The following MYEF2 variants were observed in gnomAD, a reference collection of about 807,000 sequenced individuals.
MYEF2 encodes the protein myelin expression factor 2.
A neutral mutation model predicts 75.2 loss-of-function variants in MYEF2; 37 were observed. That is an observed-to-expected ratio of 0.49 (90% CI 0.38 to 0.65). The LOEUF is 0.65. MYEF2 is among the 30% of genes least tolerant of loss of function. The probability of loss-of-function intolerance (pLI) is 0.00; values close to 1 mark genes in which losing one functional copy is unlikely to be tolerated. For synonymous variants in MYEF2, 195 were observed against 241.6 expected, an observed-to-expected ratio of 0.81 and a Z score of 1.79; for missense variants, 634 against 771.4, an observed-to-expected ratio of 0.82 and a Z score of 2.11.
At chr15:48,160,486 T>TACATACATAC (rs200591805) in intron 5 of MYEF2, among the ~76,000 whole-genome samples, 12 of 139,312 alleles carry the variant, frequency 8.6e-5, no homozygotes, top group Middle Eastern at 7.0e-3. Flanking sequence ...AAACCAAACA[T>TACATACATAC]ACACACACAC....
intron 2 of MYEF2, among the ~76,000 whole-genome samples, chr15:48,167,943 A>T (rs995509373): frequency 1.3e-5 from 2 of 149,728 alleles, no homozygotes; most frequent in Admixed American, 6.7e-5. Context: ...AATGCAATTT[A>T]AAAAAAAAAA....
chr15:48,166,675 TA>T (rs1458951226), intron 3 of MYEF2, among the ~76,000 whole-genome samples: 6 of 151,984 alleles, frequency 3.9e-5, no homozygotes, highest in African/African-American at 1.2e-4. Context: ...GAGAGTTATT[TA>T]AAAAATAATT....
chr15:48,153,200 A>G (rs1015115911), intron 10 of MYEF2: 5 of 152,116 alleles, frequency 3.3e-5, no homozygotes, highest in African/African-American at 1.2e-4. Context: ...ACTTTTATGT[A>G]TGTTAACATG....
chr15:48,167,314 T>G, intron 3 of MYEF2, 35 bp downstream of exon 3: 1 of 1,606,570 alleles, frequency 6.2e-7, no homozygotes, highest in Non-Finnish European at 8.5e-7. Flanking sequence ...GAGGAACTTT[T>G]AAACCTCAAG....
At chr15:48,170,643 G>A (rs2040297523) in intron 1 of MYEF2, among the ~76,000 whole-genome samples, 1 of 151,892 alleles carries the variant, frequency 6.6e-6, no homozygotes, top group South Asian at 2.1e-4. Context: ...CAGCAATTCT[G>A]GTGATCCACA....
At chr15:48,151,726 C>T (rs943461282) in intron 12 of MYEF2, 148 bp downstream of exon 12, 9 of 1,134,458 alleles carry the variant, frequency 7.9e-6, no homozygotes, top group Non-Finnish European at 1.2e-5. Flanking sequence ...CACATATCAT[C>T]CCCATTCCCC....
intron 5 of MYEF2, among the ~76,000 whole-genome samples, chr15:48,160,518 C>CACAA: frequency 6.6e-6 from 1 of 151,654 alleles, no homozygotes; most frequent in African/African-American, 2.4e-5. Flanking sequence ...CACACACACA[C>CACAA]AAACATAAAT....
intron 9 of MYEF2, chr15:48,157,684 A>T: frequency 1.1e-6 from 1 of 921,466 alleles, no homozygotes; most frequent in Non-Finnish European, 1.3e-6. Context: ...CAAAAATGTT[A>T]TAATGAGGTT....
rs2039516988 is a variant in MYEF2 at position 48,152,216 on chromosome 15, A to C, written c.1138+18T>G. 1 of 1,603,078 alleles carries C rather than the reference A, an allele frequency of 6.2e-7. No homozygotes were observed. Among genetic ancestry groups the C allele is most frequent in the Non-Finnish European group, 8.5e-7 (1 of 1,172,748 alleles). On this transcript the variant is annotated intron_variant, in intron 11 of 16. Transcript: ENST00000324324. ...AATGGTGATGGGTACATACAAAAAA[A>C]CAAATCTTTATACATACCTCCTCCA...
Position 48,136,479 on chromosome 15 carries a change from ACAG to A in MYEF2, c.*6426_*6428del, listed in dbSNP as rs1409724221. On this transcript the variant is annotated 3_prime_UTR_variant, in exon 17 of 17. Coordinates refer to ENST00000324324, the MANE Select transcript of MYEF2 (RefSeq NM_016132.5). Reference sequence around the variant, plus strand: ...TTGTTTTTAAAAAAAAAAAAACAACACAGAAGTGTCCAGCTTTTATCAATAAAC... The same window carrying A: ...TTGTTTTTAAAAAAAAAAAAACAACAAAGTGTCCAGCTTTTATCAATAAAC... 4.8e-6 allele frequency: 2 copies of A among 420,828 alleles called. No homozygotes were observed. Among genetic ancestry groups the A allele is most frequent in the Non-Finnish European group, 8.1e-6 (2 of 245,540 alleles). The allele number at this position is 420,828 out of a possible 1,614,324, so 26.1% of individuals were successfully genotyped here.
rs1445745901 is a variant in MYEF2, at chr15:48,140,606, G to GT, written c.*2301dup. ...TTGTTTTCCTCAGAGATTAATGAAC[G>GT]TTCCCCCTCCCCCGCCCTGCCAAAG... is the stretch of plus-strand genomic sequence containing the variant. On this transcript the variant is annotated 3_prime_UTR_variant, in exon 17 of 17. Coordinates refer to ENST00000324324, the MANE Select transcript of MYEF2 (RefSeq NM_016132.5). 1 of 152,092 alleles carries GT rather than the reference G, an allele frequency of 6.6e-6. No individual in the cohort carries two copies. Among genetic ancestry groups the GT allele is most frequent in the Non-Finnish European group, 1.5e-5 (1 of 68,094 alleles). 9.4% of individuals were successfully genotyped at this position (152,092 alleles called of 1,614,324 possible).
intron 1 of MYEF2, among the ~76,000 whole-genome samples, 160 bp from the exon 2 acceptor site, chr15:48,168,999 A>G (rs903930055): frequency 6.6e-6 from 1 of 152,214 alleles, no homozygotes; most frequent in African/African-American, 2.4e-5. Context: ...GAGCTTTGAA[A>G]TTACCCAATG....
intron 2 of MYEF2, among the ~76,000 whole-genome samples, chr15:48,167,714 T>C (rs924702228): frequency 8.5e-5 from 13 of 152,110 alleles, no homozygotes; most frequent in African/African-American, 2.7e-4. Flanking sequence ...CCTTAACCTA[T>C]CATATTAAAA....
chr15:48,170,713 T>C (rs752509479), intron 1 of MYEF2, among the ~76,000 whole-genome samples: 1 of 152,202 alleles, frequency 6.6e-6, no homozygotes, highest in Non-Finnish European at 1.5e-5. Context: ...TATACAGAGC[T>C]TCTTGAACAC....
At position 48,151,141 on chromosome 15, in the gene MYEF2, C is replaced by G. The variant is rs745320363; in HGVS notation, c.1337G>C (p.Arg446Thr). The G allele has an allele frequency of 1.9e-6, 3 of 1,610,960 alleles. No homozygotes were observed. The highest frequency in any genetic ancestry group is 2.7e-5 in the African/African-American group (2 of 74,754). Residue 446 changes from arginine to threonine, a missense_variant, in exon 14 of 17, where the codon AGA (arginine) becomes ACA (threonine). Physicochemically the swap from Arg to Thr is moderately conservative, Grantham distance 71. Transcript: ENST00000324324. ...TGGACCCATGTTAGAAGATCCTATT[C>G]TTCCTGCAAACCCTCCAATCATTGC... Reference protein sequence around the residue: ...GSAMIGGFAGRIGSSNMGPVG... With the variant: ...GSAMIGGFAGTIGSSNMGPVG...
chr15:48,143,144 C>A, intron 16 of MYEF2, 73 bp from the exon 17 acceptor site: 5 of 952,672 alleles, frequency 5.2e-6, no homozygotes, highest in Non-Finnish European at 7.2e-6. Flanking sequence ...TTTGAAATTC[C>A]TCATAGCCAA....
At position 48,151,550 on chromosome 15, in the gene MYEF2, G is replaced by A; in HGVS notation, c.1229C>T (p.Thr410Ile). Reference protein sequence around the residue: ...RMGELYRGAMTSSMERDFGRG... With the variant: ...RMGELYRGAMISSMERDFGRG... ...TCCAAAATCTCGCTCCATGCTACTAGTCATCGCACCACGGTACAGCTCTGA... is the reference window on the plus strand; with the variant it reads ...TCCAAAATCTCGCTCCATGCTACTAATCATCGCACCACGGTACAGCTCTGA... Residue 410 changes from threonine (T) to isoleucine (I), a missense_variant, in exon 13 of 17, where the codon ACT (threonine) becomes ATT (isoleucine). Transcript: ENST00000324324. 6.2e-7 allele frequency: 1 copy of A among 1,612,534 alleles called. No individual in the cohort carries two copies. Among genetic ancestry groups the A allele is most frequent in the Non-Finnish European group, 8.5e-7 (1 of 1,179,156 alleles).
In MYEF2 at chr15:48,138,105, G is replaced by A. The variant is rs1015175110; in HGVS notation, c.*4803C>T. 6.6e-6 allele frequency: 1 copy of A among 151,966 alleles called. No individual in the cohort carries two copies. Among genetic ancestry groups the A allele is most frequent in the African/African-American group, 2.4e-5 (1 of 41,410 alleles). 9.4% of individuals were successfully genotyped at this position (151,966 alleles called of 1,614,324 possible). A position where few individuals can be genotyped will look rare whatever the true frequency, so the allele number is the denominator to read the frequency against. Reference sequence around the variant, plus strand: ...TAAGTTTATAATAAGAAACGCAAAAGAACCAATCCAAATTCTTTGATTATG... The same window carrying A: ...TAAGTTTATAATAAGAAACGCAAAAAAACCAATCCAAATTCTTTGATTATG... On this transcript the variant is annotated 3_prime_UTR_variant, in exon 17 of 17. Coordinates refer to ENST00000324324, the MANE Select transcript of MYEF2 (RefSeq NM_016132.5).
Position 48,142,080 on chromosome 15 carries a change from T to C in MYEF2, c.*828A>G, listed in dbSNP as rs772752855. On this transcript the variant is annotated 3_prime_UTR_variant, in exon 17 of 17. Transcript: ENST00000324324. ...ATCGTGGGATCCAATGTGTTTGATA[T>C]GTTGTGCCTTGGTATTCCATGGTTT... 1.9e-6 allele frequency: 3 copies of C among 1,613,802 alleles called. No individual in the cohort carries two copies. The highest frequency in any genetic ancestry group is 1.7e-5 in the Admixed American group (1 of 60,006).
Sources: allele counts gnomAD v4.1 joint callset (sites outside exome capture counted in the v4.1 genomes callset), GRCh38; gene constraint gnomAD v4.1.1; transcripts MANE v1.5; gene names NCBI Gene and HGNC (gene_info 2026-07-23, HGNC 2026-07-21).